The following COMMD1 variants were observed in gnomAD, a reference collection of about 807,000 sequenced individuals.
COMMD1 encodes the protein COMM domain-containing protein 1.
Under a neutral mutation model 17.2 loss-of-function variants are expected in COMMD1, and 10 were observed. The observed-to-expected ratio is 0.58, with a 90% CI of 0.36 to 0.99. The LOEUF (loss-of-function observed/expected upper bound fraction) is 0.99, where lower values mean the gene tolerates loss of function less well. Ranked by LOEUF, COMMD1 falls within the 50% of genes least tolerant of loss-of-function variation. The pLI is 0.01. For missense variants in COMMD1, 270 were observed against 231.8 expected, an observed-to-expected ratio of 1.17 and a Z score of -1.07; for synonymous variants, 97 against 91.6, an observed-to-expected ratio of 1.06 and a Z score of -0.34.
At chr2:62,003,243 C>A (rs7600362) in intron 2 of COMMD1, among the ~76,000 whole-genome samples, 17,261 of 143,562 alleles carry the variant, frequency 0.12, 2,522 homozygotes, top group African/African-American at 0.35. Context: ...AAAAAAAAAA[C>A]AAAACAAAAC....
chr2:61,990,924 A>G (rs1239497661), intron 1 of COMMD1, among the ~76,000 whole-genome samples: 1 of 150,450 alleles, frequency 6.6e-6, no homozygotes, highest in Non-Finnish European at 1.5e-5. Context: ...ACACACACAC[A>G]CACACACACA....
chr2:62,041,790 C>T (rs571150431), intron 2 of COMMD1, among the ~76,000 whole-genome samples: 181 of 152,244 alleles, frequency 1.2e-3, no homozygotes, highest in African/African-American at 4.0e-3. Flanking sequence ...CAGATGTGTC[C>T]GGAGTTTCTT....
intron 1 of COMMD1, among the ~76,000 whole-genome samples, chr2:61,899,773 C>A (rs1673849421): frequency 6.6e-6 from 1 of 152,254 alleles, no homozygotes; most frequent in Non-Finnish European, 1.5e-5. Flanking sequence ...CTCCCTGGCT[C>A]AAGCTATGCT....
intron 2 of COMMD1, among the ~76,000 whole-genome samples, chr2:62,061,984 CAAA>C (rs59487576): frequency 2.9e-4 from 37 of 129,288 alleles, no homozygotes; most frequent in Admixed American, 4.6e-4. Context: ...ACAGTTACAG[CAAA>C]AAAAAAAAAA....
Position 62,085,384 on chromosome 2 carries a change from A to AT in COMMD1, c.463-50441dup, listed in dbSNP as rs540647762. Among the ~76,000 whole-genome samples the AT allele has an allele frequency of 5.3e-5, 8 of 151,928 alleles. No individual in the cohort carries two copies. The South Asian group carries it at 1.7e-3, about 32-fold the overall frequency. ...AGGCGCCCACCGCCACACCCGGCTA[A>AT]TTTTTTGTATTTTTAGTAGAGACGG... On this transcript the variant is annotated intron_variant, in intron 2 of 2. Coordinates refer to ENST00000311832, the MANE Select transcript of COMMD1 (RefSeq NM_152516.4).
At chr2:61,910,814 C>CGGT in intron 1 of COMMD1, among the ~76,000 whole-genome samples, 1 of 152,108 alleles carries the variant, frequency 6.6e-6, no homozygotes, top group African/African-American at 2.4e-5. Flanking sequence ...CCGGGCGCCA[C>CGGT]GGCTCACGCC....
At chr2:62,050,699 G>A (rs1670512007) in intron 2 of COMMD1, among the ~76,000 whole-genome samples, 2 of 152,142 alleles carry the variant, frequency 1.3e-5, no homozygotes, top group Admixed American at 6.5e-5. Context: ...TATGTCATGT[G>A]GTAGTTAAAA....
chr2:62,085,279 G>A lies in COMMD1; in HGVS notation c.463-50552G>A, dbSNP rs973030860. 2.7e-5 allele frequency among the ~76,000 whole-genome samples: 4 copies of A among 150,620 alleles called. No homozygotes were observed. In the South Asian group the frequency reaches 8.4e-4, roughly 32 times the overall value. On this transcript the variant is annotated intron_variant, in intron 2 of 2. Transcript: ENST00000311832. ...GTCACCCAGGCTGGAGTGCAGTGGC[G>A]CGATCTCTGCTCACTGTAAGCTCCA...
At chr2:61,990,901 TATAC>T (rs1672231894) in intron 1 of COMMD1, among the ~76,000 whole-genome samples, 3 of 42,702 alleles carry the variant, frequency 7.0e-5, no homozygotes, top group East Asian at 1.3e-3. Flanking sequence ...AATATATATA[TATAC>T]ACACACACAC....
chr2:61,959,628 G>A (rs915641972), intron 1 of COMMD1, among the ~76,000 whole-genome samples: 1 of 152,104 alleles, frequency 6.6e-6, no homozygotes, highest in Non-Finnish European at 1.5e-5. Flanking sequence ...TACTGAATTG[G>A]CTAATTGCTT....
intron 1 of COMMD1, among the ~76,000 whole-genome samples, chr2:61,934,225 ATC>A (rs1414628340): frequency 1.3e-5 from 2 of 152,170 alleles, no homozygotes; most frequent in Non-Finnish European, 2.9e-5. Context: ...AGTTATTAGT[ATC>A]TCTTGAGTGG....
At chr2:62,114,249 GT>G (rs1385753479) in intron 2 of COMMD1, among the ~76,000 whole-genome samples, 3 of 152,232 alleles carry the variant, frequency 2.0e-5, no homozygotes, top group South Asian at 2.1e-4. Flanking sequence ...TGTATTTCTT[GT>G]TTTGTTTTGT....
intron 1 of COMMD1, among the ~76,000 whole-genome samples, chr2:61,968,505 GT>G (rs568807480): frequency 1.9e-4 from 29 of 148,942 alleles, no homozygotes; most frequent in Non-Finnish European, 3.6e-4. Flanking sequence ...GACAAAATCA[GT>G]TTGCTTTTCT....
chr2:61,985,767 C>CT (rs1358314675), intron 1 of COMMD1, among the ~76,000 whole-genome samples: 1 of 152,042 alleles, frequency 6.6e-6, no homozygotes, highest in African/African-American at 2.4e-5. Context: ...AGTAAAAACT[C>CT]TAACTTTGTC....
chr2:61,976,447 G>T (rs968214152), intron 1 of COMMD1, among the ~76,000 whole-genome samples: 1 of 152,168 alleles, frequency 6.6e-6, no homozygotes, highest in East Asian at 1.9e-4. Context: ...ATGATAAAGA[G>T]GTCAGTTCTC....
At chr2:62,099,315 C>T (rs1024574552) in intron 2 of COMMD1, among the ~76,000 whole-genome samples, 7 of 152,122 alleles carry the variant, frequency 4.6e-5, no homozygotes, top group Admixed American at 2.6e-4. Context: ...CACCTAAGTA[C>T]GATTCCCATT....
At chr2:61,961,499 G>A (rs1253297072) in intron 1 of COMMD1, among the ~76,000 whole-genome samples, 1 of 152,128 alleles carries the variant, frequency 6.6e-6, no homozygotes, top group Non-Finnish European at 1.5e-5. Context: ...AGCTGATTTG[G>A]AATATATATA....
At chr2:62,113,828 A>G (rs1672520190) in intron 2 of COMMD1, among the ~76,000 whole-genome samples, 1 of 152,276 alleles carries the variant, frequency 6.6e-6, no homozygotes, top group African/African-American at 2.4e-5. Context: ...TGCTCTATAA[A>G]TGGCAGAATT....
At chr2:61,889,775 T>C (rs1370038407) in intron 1 of COMMD1, among the ~76,000 whole-genome samples, 2 of 152,160 alleles carry the variant, frequency 1.3e-5, no homozygotes, top group Non-Finnish European at 1.5e-5. Context: ...GCCCGCTTGT[T>C]CTACACTAGT....
Sources: allele counts gnomAD v4.1 joint callset (sites outside exome capture counted in the v4.1 genomes callset), GRCh38; gene constraint gnomAD v4.1.1; transcripts MANE v1.5; gene names NCBI Gene and HGNC (gene_info 2026-07-23, HGNC 2026-07-21).